SYTL1: variants seen among roughly 807,000 people sequenced by gnomAD.
The protein encoded by SYTL1 is synaptotagmin like 1.
SYTL1 carries 53 observed loss-of-function variants against 74.6 expected under a neutral mutation model. The ratio of observed to expected loss-of-function variants is 0.71; its 90% CI spans 0.57 to 0.89. The LOEUF is 0.89. Ranked by LOEUF, SYTL1 falls within the 40% of genes least tolerant of loss-of-function variation. The pLI, the probability that SYTL1 is intolerant of heterozygous loss-of-function variation, is 0.00. For missense variants in SYTL1, 728 were observed against 768.7 expected, an observed-to-expected ratio of 0.95 and a Z score of 0.63; for synonymous variants, 329 against 324.9, an observed-to-expected ratio of 1.01 and a Z score of -0.14.
In SYTL1 at chr1:27,345,535, G is replaced by A. The variant is rs1291239990; in HGVS notation, c.191+10G>A. ...AGGAGGGGCGGGTCAGGTAAGGCAG[G>A]GCAGACCCTGGCCGGGGAGCACCAA... On this transcript the variant is annotated intron_variant, in intron 2 of 14. Transcript: ENST00000616558. The surrounding 1 kb of genome is among the most constrained non-coding windows in gnomAD (Gnocchi z 6.0). 6.5e-7 allele frequency: 1 copy of A among 1,536,570 alleles called. No individual in the cohort carries two copies. The highest frequency in any genetic ancestry group is 2.4e-5 in the East Asian group (1 of 40,972).
rs751242486 is a variant in SYTL1 at position 27,342,455 on chromosome 1, C to G, written c.-39+305C>G. ...CGCTGGGCTGATGCCCATGGCCCAG[C>G]TCAGGCAGGCCTGAAGGACAGAAAT... is the stretch of plus-strand genomic sequence containing the variant. On this transcript the variant is annotated intron_variant, in intron 1 of 14. Transcript: ENST00000616558. This position sits in a 1 kb window ranked among gnomAD's most constrained non-coding sequence, Gnocchi z 4.7. 3.8e-4 allele frequency: 177 copies of G among 463,924 alleles called. No individual in the cohort carries two copies. Among genetic ancestry groups the G allele is most frequent in the Non-Finnish European group, 4.7e-4 (165 of 353,648 alleles). The allele number at this position is 463,924 out of a possible 1,614,324, so 28.7% of individuals were successfully genotyped here.
chr1:27,349,547 G>A (rs757249012), intron 7 of SYTL1, 49 bp downstream of exon 7: 22 of 1,468,384 alleles, frequency 1.5e-5, no homozygotes, highest in African/African-American at 2.9e-5. Context: ...AGCGGACTCC[G>A]GGCGGGGAGC....
In SYTL1 at chr1:27,350,917, G is replaced by T. The variant is rs544503560; in HGVS notation, c.1129G>T (p.Gly377Cys). Residue 377 changes from glycine (G) to cysteine (C), a missense_variant, in exon 11 of 15, where the codon GGC (glycine) becomes TGC (cysteine). By Grantham distance (159) the Gly-to-Cys change is radical (BLOSUM62 -3). Coordinates refer to ENST00000616558, the MANE Select transcript of SYTL1 (RefSeq NM_001193308.2). This position sits in a 1 kb window ranked among gnomAD's most constrained non-coding sequence, Gnocchi z 6.3. ...AGTGCCCCTGGACACGTGGGACTGG[G>T]GCTCTGAGCCCACCTGGCTCCCCCT... ...VEVPLDTWDW[G>C]SEPTWLPLQP... The T allele has an allele frequency of 6.2e-7, 1 of 1,613,472 alleles. No individual in the cohort carries two copies. The highest frequency in any genetic ancestry group is 1.3e-5 in the African/African-American group (1 of 75,012).
Position 27,348,614 on chromosome 1 carries a change from G to A in SYTL1, c.460-466G>A, listed in dbSNP as rs2015101827. 6.6e-6 allele frequency among the ~76,000 whole-genome samples: 1 copy of A among 152,036 alleles called. No homozygotes were observed. On this transcript the variant is annotated intron_variant, in intron 5 of 14. Transcript: ENST00000616558. The surrounding 1 kb of genome is among the most constrained non-coding windows in gnomAD (Gnocchi z 4.1). ...TCTCAGCTACTGGGAGGCTGAGGCA[G>A]GAGAATCGCTTGAACCCAGGAGGCG...
chr1:27,344,507 T>C, intron 1 of SYTL1, among the ~76,000 whole-genome samples: 1 of 149,708 alleles, frequency 6.7e-6, no homozygotes, highest in Admixed American at 6.6e-5. Context: ...TCCCAAAGTG[T>C]TGGGATTACA....
rs116956316 is a variant in SYTL1, at chr1:27,343,918, G to A, written c.-38-1379G>A. On this transcript the variant is annotated intron_variant, in intron 1 of 14. Coordinates refer to ENST00000616558, the MANE Select transcript of SYTL1 (RefSeq NM_001193308.2). The surrounding 1 kb of genome is among the most constrained non-coding windows in gnomAD (Gnocchi z 5.2). ...GGCCTATCCCCATTGGTGTGCATAT[G>A]CTGTGTGCAGGTTTTTTTGTTAGTT... Among the ~76,000 whole-genome samples the A allele has an allele frequency of 5.1e-3, 781 of 152,258 alleles. 14 individuals carry two copies. The highest frequency in any genetic ancestry group is 0.035 in the Admixed American group (538 of 15,294).
chr1:27,351,583 C>T lies in SYTL1; in HGVS notation c.1343+28C>T. 1 of 1,440,146 alleles carries T rather than the reference C, an allele frequency of 6.9e-7. No individual in the cohort carries two copies. Among genetic ancestry groups the T allele is most frequent in the Non-Finnish European group, 9.3e-7 (1 of 1,071,048 alleles). 89.2% of individuals were successfully genotyped at this position (1,440,146 alleles called of 1,614,324 possible). A position where few individuals can be genotyped will look rare whatever the true frequency, so the allele number is the denominator to read the frequency against. On this transcript the variant is annotated intron_variant, in intron 13 of 14. Transcript: ENST00000616558. This position sits in a 1 kb window ranked among gnomAD's most constrained non-coding sequence, Gnocchi z 5.0. ...GAGGAGTGCTGGCCCTCCGGGCTTC[C>T]CATTCTTTTGCCTGCAGTGGAGTGC...
At position 27,348,018 on chromosome 1, in the gene SYTL1, T is replaced by C. The variant is rs751126195; in HGVS notation, c.459+6T>C. ...AGAGGCTCAGGGAGACTGAGGTAAG[T>C]GAATGAGCCAACATGTGAGTACAGT... On this transcript the variant is annotated splice_donor_region_variant and intron_variant, in intron 5 of 14. Transcript: ENST00000616558. The surrounding 1 kb of genome is among the most constrained non-coding windows in gnomAD (Gnocchi z 4.1). 6.2e-7 allele frequency: 1 copy of C among 1,613,590 alleles called. No homozygotes were observed. Among genetic ancestry groups the C allele is most frequent in the Non-Finnish European group, 8.5e-7 (1 of 1,179,704 alleles).
chr1:27,352,407 G>A (rs1027832010), intron 13 of SYTL1: 2 of 152,142 alleles, frequency 1.3e-5, no homozygotes, highest in African/African-American at 4.8e-5. Context: ...GATAATAAAA[G>A]TCACTGAGCC....
chr1:27,348,533 C>A lies in SYTL1; in HGVS notation c.459+521C>A, dbSNP rs998110477. On this transcript the variant is annotated intron_variant, in intron 5 of 14. Coordinates refer to ENST00000616558, the MANE Select transcript of SYTL1 (RefSeq NM_001193308.2). This position sits in a 1 kb window ranked among gnomAD's most constrained non-coding sequence, Gnocchi z 4.1. ...GACCAGCCTGACTAACATGGAGAAA[C>A]CCCATCTCTACTAAAAATACAAAAT... Among the ~76,000 whole-genome samples the A allele has an allele frequency of 1.3e-5, 2 of 152,004 alleles. No homozygotes were observed. Among genetic ancestry groups the A allele is most frequent in the African/African-American group, 4.8e-5 (2 of 41,374 alleles).
rs938137908 is a variant in SYTL1 at position 27,343,614 on chromosome 1, G to T, written c.-39+1464G>T. ...TGTGTGTGTGTGTACGTGTGTGTGT[G>T]TGTGTATCTGTCTGTCTAGGTGGGT... On this transcript the variant is annotated intron_variant, in intron 1 of 14. Transcript: ENST00000616558. This position sits in a 1 kb window ranked among gnomAD's most constrained non-coding sequence, Gnocchi z 5.2. 2.0e-5 allele frequency among the ~76,000 whole-genome samples: 3 copies of T among 152,116 alleles called. No homozygotes were observed. Among genetic ancestry groups the T allele is most frequent in the African/African-American group, 7.2e-5 (3 of 41,424 alleles).
chr1:27,342,101 G>GGGAGCT lies in SYTL1; in HGVS notation c.-82_-77dup, dbSNP rs1366361173. The GGGAGCT allele has an allele frequency of 6.6e-6, 1 of 152,412 alleles. No individual in the cohort carries two copies. The highest frequency in any genetic ancestry group is 1.9e-4 in the East Asian group (1 of 5,194). The allele number at this position is 152,412 out of a possible 1,614,324, so 9.4% of individuals were successfully genotyped here. ...CCGGTCCCTGAAACTCGGCTGCCAG[G>GGGAGCT]GGAGCTGGAGCCACCTGCGAAGGTG... On this transcript the variant is annotated 5_prime_UTR_variant, in exon 1 of 15. Transcript: ENST00000616558. This position sits in a 1 kb window ranked among gnomAD's most constrained non-coding sequence, Gnocchi z 4.7.
Position 27,347,493 on chromosome 1 carries a change from C to T in SYTL1, c.264C>T (p.Arg88=). The T allele has an allele frequency of 6.2e-7, 1 of 1,614,148 alleles. No homozygotes were observed. Among genetic ancestry groups the T allele is most frequent in the Non-Finnish European group, 8.5e-7 (1 of 1,180,038 alleles). ...CAGGGGACTGGTTCCAGGAAGCACGCTCCCAGCGGCACCACAATGCCCACT... is the reference window on the plus strand; with the variant it reads ...CAGGGGACTGGTTCCAGGAAGCACGTTCCCAGCGGCACCACAATGCCCACT... ...ILTGDWFQEA[R]SQRHHNAHFG... The change falls in exon 3 of 15, where the codon CGC becomes CGT. Residue 88 remains arginine (R), a synonymous_variant. Transcript: ENST00000616558. The surrounding 1 kb of genome is among the most constrained non-coding windows in gnomAD (Gnocchi z 4.9).
At position 27,345,593 on chromosome 1, in the gene SYTL1, C is replaced by A; in HGVS notation, c.191+68C>A. ...GAGTGGCCCCCATCCTGCTCCCTAC[C>A]GACACCACTGCCTGTCAGATGTCTG... On this transcript the variant is annotated intron_variant, in intron 2 of 14. Coordinates refer to ENST00000616558, the MANE Select transcript of SYTL1 (RefSeq NM_001193308.2). This position sits in a 1 kb window ranked among gnomAD's most constrained non-coding sequence, Gnocchi z 6.0. The A allele has an allele frequency of 1.9e-6, 2 of 1,078,750 alleles. No individual in the cohort carries two copies. Among genetic ancestry groups the A allele is most frequent in the South Asian group, 1.6e-5 (1 of 62,594 alleles). 66.8% of individuals were successfully genotyped at this position (1,078,750 alleles called of 1,614,324 possible).
intron 2 of SYTL1, among the ~76,000 whole-genome samples, chr1:27,346,061 G>A (rs961139229): frequency 6.6e-6 from 1 of 152,040 alleles, no homozygotes; most frequent in African/African-American, 2.4e-5. Flanking sequence ...GATTACAGAC[G>A]CGAGCCACCG....
rs75144314 is a variant in SYTL1 at position 27,351,617 on chromosome 1, C to G, written c.1343+62C>G. 0.031 allele frequency: 33,603 copies of G among 1,083,182 alleles called. 665 individuals carry two copies. Among genetic ancestry groups the G allele is most frequent in the Middle Eastern group, 0.047 (221 of 4,682 alleles). The allele number at this position is 1,083,182 out of a possible 1,614,324, so 67.1% of individuals were successfully genotyped here. ...TGCCTGCAGTGGAGTGCCCAACCTCCACAAACCCTTACTAATCAACCTTTG... is the reference window on the plus strand; with the variant it reads ...TGCCTGCAGTGGAGTGCCCAACCTCGACAAACCCTTACTAATCAACCTTTG... On this transcript the variant is annotated intron_variant, in intron 13 of 14. Coordinates refer to ENST00000616558, the MANE Select transcript of SYTL1 (RefSeq NM_001193308.2). This position sits in a 1 kb window ranked among gnomAD's most constrained non-coding sequence, Gnocchi z 5.0.
Position 27,353,845 on chromosome 1 carries a change from G to C in SYTL1, c.1682G>C (p.Arg561Thr). The C allele has an allele frequency of 6.2e-7, 1 of 1,613,062 alleles. No homozygotes were observed. ...CCCCTCAGAACCAACCTGGCCCCCA[G>C]GACGTAGCCCCACCAAGCCTCTCTC... Reference protein sequence around the residue: ...LLPLRTNLAPRT With the variant: ...LLPLRTNLAPTT Residue 561 changes from arginine (R) to threonine (T), a missense_variant, in exon 15 of 15, where the codon AGG becomes ACG. Transcript: ENST00000616558.
At position 27,347,928 on chromosome 1, in the gene SYTL1, G is replaced by T. The variant is rs1261664838; in HGVS notation, c.414-39G>T. On this transcript the variant is annotated intron_variant, in intron 4 of 14. Transcript: ENST00000616558. This position sits in a 1 kb window ranked among gnomAD's most constrained non-coding sequence, Gnocchi z 4.9. ...GGGAGATGGTGCCCACCAGTCACCAGGGTCCCTCCCTCTGAGAGCGTCCTC... is the reference window on the plus strand; with the variant it reads ...GGGAGATGGTGCCCACCAGTCACCATGGTCCCTCCCTCTGAGAGCGTCCTC... 1 of 1,614,042 alleles carries T rather than the reference G, an allele frequency of 6.2e-7. No individual in the cohort carries two copies. The highest frequency in any genetic ancestry group is 1.7e-5 in the Admixed American group (1 of 60,024).
chr1:27,346,629 G>A (rs1048134710), intron 2 of SYTL1, among the ~76,000 whole-genome samples: 1 of 152,064 alleles, frequency 6.6e-6, no homozygotes, highest in Non-Finnish European at 1.5e-5. Flanking sequence ...TGGCGTGGTG[G>A]TGTGCGCCTG....
Sources: allele counts gnomAD v4.1 joint callset (sites outside exome capture counted in the v4.1 genomes callset), GRCh38; gene constraint gnomAD v4.1.1; non-coding constraint Gnocchi (gnomAD v3.1); transcripts MANE v1.5; gene names NCBI Gene and HGNC (gene_info 2026-07-23, HGNC 2026-07-21).